Variants in BCAS4 observed in about 807,000 individuals in gnomAD.
BCAS4 encodes breast carcinoma-amplified sequence 4.
Under a neutral mutation model 15.7 loss-of-function variants are expected in BCAS4, and 9 were observed. The ratio of observed to expected loss-of-function variants is 0.57; its 90% CI spans 0.34 to 1.00. The LOEUF is 1.00. Ranked by LOEUF, BCAS4 falls within the 50% of genes least tolerant of loss-of-function variation. The pLI is 0.02. For missense variants in BCAS4, 225 were observed against 239.1 expected, an observed-to-expected ratio of 0.94 and a Z score of 0.39; for synonymous variants, 101 against 99.5, an observed-to-expected ratio of 1.02 and a Z score of -0.09.
At chr20:50,882,227 C>T in the BCAS4 span, 1 of 152,160 alleles carries the variant, frequency 6.6e-6, no homozygotes, top group Admixed American at 6.6e-5. Flanking sequence ...TCCTCAGACC[C>T]AGTAATTCCA....
intron 4 of BCAS4, among the ~76,000 whole-genome samples, chr20:50,870,559 CA>C (rs1271023099): frequency 2.0e-5 from 3 of 152,228 alleles, no homozygotes; most frequent in Non-Finnish European, 4.4e-5. Flanking sequence ...CAGCAGGTTA[CA>C]GGAACCGTGG....
chr20:50,814,251 C>A (rs6020762), intron 1 of BCAS4, among the ~76,000 whole-genome samples: 3,828 of 152,304 alleles, frequency 0.025, 47 homozygotes, highest in Middle Eastern at 0.037. Context: ...CCATAGCTGA[C>A]AAGCAGCAAC....
chr20:50,816,743 G>C (rs2088141769), intron 1 of BCAS4, among the ~76,000 whole-genome samples: 1 of 149,866 alleles, frequency 6.7e-6, no homozygotes, highest in Admixed American at 6.7e-5. Flanking sequence ...TGCAGCCTCA[G>C]CCTCCTGGGT....
intron 2 of BCAS4, among the ~76,000 whole-genome samples, chr20:50,823,554 G>C (rs1405134463): frequency 2.6e-5 from 4 of 152,152 alleles, no homozygotes; most frequent in Non-Finnish European, 4.4e-5. Flanking sequence ...AGGCATGATG[G>C]CTCACACCTG....
At chr20:50,841,265 G>C (rs2123806894) in intron 3 of BCAS4, among the ~76,000 whole-genome samples, 1 of 152,248 alleles carries the variant, frequency 6.6e-6, no homozygotes, top group African/African-American at 2.4e-5. Flanking sequence ...GGCCCTTGGT[G>C]GCTTCTGAGT....
chr20:50,875,452 A>T (rs1278597624), intron 4 of BCAS4, among the ~76,000 whole-genome samples: 3 of 152,090 alleles, frequency 2.0e-5, no homozygotes, highest in Admixed American at 6.6e-5. Context: ...GGCAGCACAG[A>T]TGGGTACACA....
At chr20:50,830,855 GA>G (rs986706133) in intron 3 of BCAS4, among the ~76,000 whole-genome samples, 12 of 150,890 alleles carry the variant, frequency 8.0e-5, no homozygotes, top group East Asian at 3.9e-4. Flanking sequence ...GTCTCAAAAC[GA>G]AAAAAAAGAA....
chr20:50,821,611 G>A (rs903618614), intron 2 of BCAS4, among the ~76,000 whole-genome samples: 2 of 152,178 alleles, frequency 1.3e-5, no homozygotes, highest in Non-Finnish European at 1.5e-5. Flanking sequence ...GTCACACCAC[G>A]GACCACTGTC....
intron 4 of BCAS4, among the ~76,000 whole-genome samples, chr20:50,868,631 T>C (rs1979477958): frequency 6.6e-6 from 1 of 152,160 alleles, no homozygotes; most frequent in African/African-American, 2.4e-5. Flanking sequence ...TTCTATTGCC[T>C]AGGCTGGCCT....
intron 4 of BCAS4, among the ~76,000 whole-genome samples, chr20:50,864,408 C>CTGCT (rs1053043680): frequency 7.3e-5 from 11 of 150,740 alleles, no homozygotes; most frequent in Non-Finnish European, 1.3e-4. Flanking sequence ...TAAGGGGGAG[C>CTGCT]TGCTATTGTC....
intron 3 of BCAS4, chr20:50,832,743 C>G (rs1210140129): frequency 6.6e-6 from 1 of 152,348 alleles, no homozygotes; most frequent in Admixed American, 6.5e-5. Context: ...AGCTCGTGGC[C>G]CCTGCCTCCT....
chr20:50,797,242 A>G (rs1196574245), intron 1 of BCAS4, among the ~76,000 whole-genome samples: 1 of 152,166 alleles, frequency 6.6e-6, no homozygotes, highest in East Asian at 1.9e-4. Context: ...GGGGACTACT[A>G]ATGGGAAGGT....
chr20:50,821,014 C>G (rs570774677), intron 2 of BCAS4, among the ~76,000 whole-genome samples: 1 of 152,290 alleles, frequency 6.6e-6, no homozygotes, highest in Admixed American at 6.5e-5. Context: ...GTACTCATTC[C>G]TACCTTGCAA....
At chr20:50,878,833 T>TA (rs1980055320), downstream of BCAS4, 1 of 152,174 alleles carries the variant, frequency 6.6e-6, no homozygotes, top group Non-Finnish European at 1.5e-5. Context: ...AGTGGTTCAC[T>TA]AAATTTTTCA....
At chr20:50,842,789 G>C (rs536784951) in intron 4 of BCAS4, among the ~76,000 whole-genome samples, 1 of 152,152 alleles carries the variant, frequency 6.6e-6, no homozygotes, top group African/African-American at 2.4e-5. Context: ...CTGAGGCCAC[G>C]GGCCTGGAGC....
intron 4 of BCAS4, among the ~76,000 whole-genome samples, chr20:50,854,997 G>T (rs1978677929): frequency 1.3e-5 from 2 of 152,218 alleles, no homozygotes; most frequent in Admixed American, 1.3e-4. Flanking sequence ...CCGGTGCTCA[G>T]GGGTGGCCGG....
chr20:50,824,688 C>T (rs1249766609), intron 2 of BCAS4, among the ~76,000 whole-genome samples: 1 of 152,136 alleles, frequency 6.6e-6, no homozygotes, highest in Non-Finnish European at 1.5e-5. Flanking sequence ...GCTATGGATT[C>T]CATGTTGGGG....
intron 1 of BCAS4, among the ~76,000 whole-genome samples, chr20:50,797,570 G>T (rs952812331): frequency 6.6e-6 from 1 of 151,936 alleles, no homozygotes; most frequent in Non-Finnish European, 1.5e-5. Flanking sequence ...AAAATAACAC[G>T]AACAAAAATT....
intron 3 of BCAS4, among the ~76,000 whole-genome samples, chr20:50,834,204 A>G (rs2088378435): frequency 6.6e-6 from 1 of 151,328 alleles, no homozygotes; most frequent in Non-Finnish European, 1.5e-5. Flanking sequence ...GTCTACATTG[A>G]TTATTCTTTT....
Sources: gnomAD v4.1 joint callset for allele counts (sites outside exome capture counted in the v4.1 genomes callset) on GRCh38, gnomAD v4.1.1 for gene constraint, MANE v1.5 for transcripts, NCBI Gene and HGNC (gene_info 2026-07-23, HGNC 2026-07-21) for gene names.